Variants in GNPAT observed in about 807,000 individuals in gnomAD.
GNPAT encodes glyceronephosphate O-acyltransferase.
GNPAT carries 30 observed loss-of-function variants against 78.4 expected under a neutral mutation model. The ratio of observed to expected loss-of-function variants is 0.38; its 90% confidence interval spans 0.29 to 0.52. GNPAT has a LOEUF of 0.52. Among genes scored for constraint, GNPAT ranks in the 20% least tolerant of loss-of-function variants. GNPAT has a pLI of 0.84. For synonymous variants in GNPAT, 271 were observed against 281.1 expected (o/e 0.96, Z 0.36); for missense variants, 714 against 812.2 (o/e 0.88, Z 1.47).
intron 2 of GNPAT, among the ~76,000 whole-genome samples, chr1:231,254,694 C>T (rs1404673151): frequency 3.3e-5 from 5 of 151,900 alleles, no homozygotes; most frequent in South Asian, 2.1e-4. Context: ...GTGATCCACC[C>T]GCCTTGGCCT....
At chr1:231,251,540 A>G (rs1465085236) in intron 2 of GNPAT, among the ~76,000 whole-genome samples, 1 of 152,140 alleles carries the variant, frequency 6.6e-6, no homozygotes, top group Non-Finnish European at 1.5e-5. Flanking sequence ...TTCAAGCCAA[A>G]CAAATAACTT....
At chr1:231,250,891 C>CA in intron 1 of GNPAT, 70 bp from the exon 2 acceptor site, 1 of 975,526 alleles carries the variant, frequency 1.0e-6, no homozygotes, top group Non-Finnish European at 1.7e-6. Flanking sequence ...GAAACCTTAC[C>CA]AATGTAGTCT....
At chr1:231,268,008 AAG>A in intron 9 of GNPAT, 105 bp downstream of exon 9, 1 of 794,840 alleles carries the variant, frequency 1.3e-6, no homozygotes, top group Non-Finnish European at 2.2e-6. Flanking sequence ...ATTGCTCAGA[AAG>A]AGAAAGGACA....
chr1:231,276,974 G>T lies in GNPAT; in HGVS notation c.2000-525G>T, dbSNP rs1685735519. On this transcript the variant is annotated intron_variant, in intron 15 of 15. Coordinates refer to ENST00000366647, the MANE Select transcript of GNPAT (RefSeq NM_014236.4). ...AAGAGCTTTAGATAAATGTCTGTTG[G>T]GATTTGCGGAAGACCAGAATGGGGC... Among the ~76,000 whole-genome samples, 5 of 152,130 alleles carry T rather than the reference G, an allele frequency of 3.3e-5. No individual in the cohort carries two copies. The South Asian group carries it at 1.0e-3, about 32-fold the overall frequency.
rs1055537551 is a variant in GNPAT at position 231,272,798 on chromosome 1, G to A, written c.1602+407G>A. 6.6e-5 allele frequency among the ~76,000 whole-genome samples: 10 copies of A among 152,096 alleles called. No individual in the cohort carries two copies. The South Asian group carries it at 1.2e-3, about 19-fold the overall frequency. ...ATCCTGGCCAACATGGTGAAACCCC[G>A]TCTGTACTAAAAATACAAAAATTAG... is the stretch of plus-strand genomic sequence containing the variant. On this transcript the variant is annotated intron_variant, in intron 11 of 15. Coordinates refer to ENST00000366647, the MANE Select transcript of GNPAT (RefSeq NM_014236.4).
chr1:231,253,093 C>T lies in GNPAT; in HGVS notation c.261+1950C>T, dbSNP rs370460580. On this transcript the variant is annotated intron_variant, in intron 2 of 15. Transcript: ENST00000366647. ...ATGCCATTCTCCTGCCTCAGCCTCC[C>T]GAGTAGCTAGGACTACAGGCACCAG... 3.6e-4 allele frequency among the ~76,000 whole-genome samples: 55 copies of T among 152,280 alleles called. No homozygotes were observed. In the East Asian group the frequency reaches 8.5e-3, roughly 24 times the overall value.
chr1:231,260,651 A>G lies in GNPAT; in HGVS notation c.406A>G (p.Lys136Glu), dbSNP rs1326353884. ...LSKVFKQIFS[K>E]VCVNEEGIQK... ...CAAAGTATTTAAACAAATTTTCTCG[A>G]AGGTGTGTGTAAATGAAGAAGGTAT... Residue 136 changes from lysine (K) to glutamate (E), a missense_variant, in exon 3 of 16, where the codon AAG becomes GAG. Lys to Glu is a moderately conservative substitution (Grantham distance 56, BLOSUM62 1). Coordinates refer to ENST00000366647, the MANE Select transcript of GNPAT (RefSeq NM_014236.4). The G allele has an allele frequency of 2.5e-6, 4 of 1,612,592 alleles. No homozygotes were observed. In the South Asian group the frequency reaches 4.4e-5, roughly 18 times the overall value.
rs773375326 is a variant in GNPAT, at chr1:231,274,049, T to C, written c.1730T>C (p.Val577Ala). 6.2e-7 allele frequency: 1 copy of C among 1,613,522 alleles called. No individual in the cohort carries two copies. Among genetic ancestry groups the C allele is most frequent in the South Asian group, 1.1e-5 (1 of 91,066 alleles). Residue 577 changes from valine to alanine, a missense_variant, in exon 12 of 16, where the codon GTG becomes GCG. By Grantham distance (64) the Val-to-Ala change is moderately conservative. Transcript: ENST00000366647. ...EFLVGLFKPF[V>A]ESYQIICKYL... ...TTAGTAGGACTCTTTAAACCTTTTG[T>C]GGAAAGCTATCAGGTATGTAAATTT...
intron 2 of GNPAT, among the ~76,000 whole-genome samples, chr1:231,256,301 C>T (rs1225366687): frequency 1.3e-5 from 2 of 151,948 alleles, no homozygotes; most frequent in South Asian, 2.1e-4. Flanking sequence ...CCCCTCCCAC[C>T]CCTACCCCTG....
chr1:231,246,400 T>C (rs923455436), intron 1 of GNPAT, among the ~76,000 whole-genome samples: 1 of 152,256 alleles, frequency 6.6e-6, no homozygotes, highest in Non-Finnish European at 1.5e-5. Context: ...GCCTGCCTTG[T>C]TCATGCTGTA....
intron 1 of GNPAT, among the ~76,000 whole-genome samples, chr1:231,246,360 A>G (rs1354322247): frequency 6.6e-6 from 1 of 152,226 alleles, no homozygotes; most frequent in Non-Finnish European, 1.5e-5. Context: ...GTCTTTCCAT[A>G]AGGACACGTA....
intron 10 of GNPAT, among the ~76,000 whole-genome samples, chr1:231,271,283 C>T (rs1685557380): frequency 6.6e-6 from 1 of 152,318 alleles, no homozygotes; most frequent in East Asian, 1.9e-4. Context: ...CATTTGAGTA[C>T]AGTTCTCCAC....
intron 2 of GNPAT, among the ~76,000 whole-genome samples, chr1:231,259,872 A>C (rs1401150084): frequency 6.6e-6 from 1 of 152,172 alleles, no homozygotes; most frequent in Non-Finnish European, 1.5e-5. Context: ...AAATGGGCAA[A>C]TCAGGGCTTC....
intron 8 of GNPAT, among the ~76,000 whole-genome samples, chr1:231,266,654 G>A (rs1685397716): frequency 1.3e-5 from 2 of 151,946 alleles, no homozygotes; most frequent in South Asian, 4.1e-4. Flanking sequence ...CAATGATCAT[G>A]TTTCTCAAGG....
chr1:231,252,344 A>G (rs572667721), intron 2 of GNPAT, among the ~76,000 whole-genome samples: 2 of 152,326 alleles, frequency 1.3e-5, no homozygotes, highest in African/African-American at 4.8e-5. Context: ...GAAATAGGGA[A>G]CTTAAGAGGG....
chr1:231,254,092 A>G (rs1252478107), intron 2 of GNPAT, among the ~76,000 whole-genome samples: 1 of 152,176 alleles, frequency 6.6e-6, no homozygotes, highest in East Asian at 1.9e-4. Flanking sequence ...GATTACTGGC[A>G]TGAGCCACCA....
intron 7 of GNPAT, 33 bp from the exon 8 acceptor site, chr1:231,266,244 C>T (rs199913159): frequency 2.9e-5 from 46 of 1,613,828 alleles, no homozygotes; most frequent in South Asian, 1.2e-4. Flanking sequence ...TACTGCTTTT[C>T]GTTTTCTTCC....
At chr1:231,276,049 TTACAA>T (rs1267995622) in intron 14 of GNPAT, 81 bp from the exon 15 acceptor site, 2 of 717,012 alleles carry the variant, frequency 2.8e-6, no homozygotes, top group African/African-American at 1.8e-5. Flanking sequence ...AAAAGTAGTC[TTACAA>T]TAGCTACGTC....
At chr1:231,241,515 C>A in intron 1 of GNPAT, 59 bp downstream of exon 1, 1 of 1,217,502 alleles carries the variant, frequency 8.2e-7, no homozygotes, top group Non-Finnish European at 1.2e-6. Context: ...ACCCCTTTCT[C>A]CCAGTCCCTA....
Sources: gnomAD v4.1 joint callset for allele counts (sites outside exome capture counted in the v4.1 genomes callset) on GRCh38, gnomAD v4.1.1 for gene constraint, MANE v1.5 for transcripts, NCBI Gene and HGNC (gene_info 2026-07-23, HGNC 2026-07-21) for gene names.